The following RYR2 variants were observed in gnomAD, a reference collection of about 807,000 sequenced individuals.
RYR2 encodes ryanodine receptor 2.
RYR2 carries 227 observed loss-of-function variants against 601.1 expected under a neutral mutation model. The observed-to-expected ratio is 0.38, with a 90% CI of 0.34 to 0.42. RYR2 has a LOEUF of 0.42. Ranked by LOEUF, RYR2 falls within the 10% of genes least tolerant of loss-of-function variation. RYR2 has a pLI of 1.00. For missense variants in RYR2, 4,646 were observed against 6,156.5 expected (o/e 0.75, Z 8.21); for synonymous variants, 2,223 against 2,175.1 (o/e 1.02, Z -0.61).
rs545931004 is a variant in RYR2, at chr1:237,804,089, T to C, written c.14152-2048T>C. ...AATATATTGAACGTTGACCAGCACT[T>C]AGTAGGTGCTAAAGAAATTTTCCTA... On this transcript the variant is annotated intron_variant, in intron 98 of 104. Coordinates refer to ENST00000366574, the MANE Select transcript of RYR2 (RefSeq NM_001035.3). Among the ~76,000 whole-genome samples the C allele has an allele frequency of 3.3e-5, 5 of 152,254 alleles. No homozygotes were observed. In the East Asian group the frequency reaches 7.8e-4, roughly 24 times the overall value.
chr1:237,364,927 A>G (rs759269212), intron 5 of RYR2, among the ~76,000 whole-genome samples: 8 of 152,308 alleles, frequency 5.3e-5, no homozygotes, highest in Non-Finnish European at 1.2e-4. Context: ...CCCCTTATTC[A>G]TTTCTCAACT....
intron 51 of RYR2, among the ~76,000 whole-genome samples, chr1:237,653,290 A>G (rs1682941614): frequency 6.6e-6 from 1 of 152,242 alleles, no homozygotes; most frequent in African/African-American, 2.4e-5. Context: ...GTGGCAAGCC[A>G]TAGAGAGGCA....
intron 76 of RYR2, among the ~76,000 whole-genome samples, chr1:237,729,855 ACT>A (rs1281800404): frequency 2.6e-5 from 4 of 152,144 alleles, no homozygotes; most frequent in African/African-American, 9.7e-5. Context: ...CTCTATTGAC[ACT>A]GATTACATTG....
chr1:237,757,593 TG>T (rs1238425924), intron 81 of RYR2, 103 bp from the exon 82 acceptor site: 5 of 742,984 alleles, frequency 6.7e-6, no homozygotes, highest in Non-Finnish European at 9.6e-6. Flanking sequence ...ACAGATTGCC[TG>T]GGGGGGCATA....
At chr1:237,653,463 C>G (rs1031396351) in intron 51 of RYR2, among the ~76,000 whole-genome samples, 3 of 152,156 alleles carry the variant, frequency 2.0e-5, no homozygotes, top group Non-Finnish European at 4.4e-5. Flanking sequence ...ACATAGACAT[C>G]CAAACAACCT....
At position 237,239,341 on chromosome 1, in the gene RYR2, A is replaced by C. The variant is rs533028704; in HGVS notation, c.49-31156A>C. On this transcript the variant is annotated intron_variant, in intron 1 of 104. Transcript: ENST00000366574. ...AAGTGAAAAGCGCTCTCTCCTGCAGAGAGAGGGGCTTCCAAGTGGGTCTTC... is the reference window on the plus strand; with the variant it reads ...AAGTGAAAAGCGCTCTCTCCTGCAGCGAGAGGGGCTTCCAAGTGGGTCTTC... 2.6e-5 allele frequency among the ~76,000 whole-genome samples: 4 copies of C among 152,226 alleles called. No homozygotes were observed. The South Asian group carries it at 6.2e-4, about 24-fold the overall frequency.
intron 1 of RYR2, among the ~76,000 whole-genome samples, chr1:237,151,750 T>C (rs756437786): frequency 4.6e-5 from 7 of 152,188 alleles, no homozygotes; most frequent in Non-Finnish European, 1.0e-4. Context: ...ATCAACACCC[T>C]TTAGGAAATG....
At chr1:237,780,343 C>T (rs1009385944) in intron 88 of RYR2, among the ~76,000 whole-genome samples, 2 of 152,116 alleles carry the variant, frequency 1.3e-5, no homozygotes. Flanking sequence ...AATGTAGACC[C>T]TCACAAGAGA....
At chr1:237,337,458 G>A (rs1697351723) in intron 3 of RYR2, among the ~76,000 whole-genome samples, 1 of 152,142 alleles carries the variant, frequency 6.6e-6, no homozygotes, top group African/African-American at 2.4e-5. Flanking sequence ...AAGAAGATCT[G>A]TGTATTATCT....
At chr1:237,462,616 G>A (rs576412498) in intron 16 of RYR2, among the ~76,000 whole-genome samples, 6 of 152,290 alleles carry the variant, frequency 3.9e-5, no homozygotes, top group Non-Finnish European at 5.9e-5. Context: ...ATAGATTGCT[G>A]CTCTTTGAGT....
chr1:237,180,918 C>T lies in RYR2; in HGVS notation c.49-89579C>T, dbSNP rs1445963316. On this transcript the variant is annotated intron_variant, in intron 1 of 104. Transcript: ENST00000366574. This position sits in a 1 kb window ranked among gnomAD's most constrained non-coding sequence, Gnocchi z 5.3. ...CAATAAATATATAACTAATAATATA[C>T]TAATTAATAAAAATTGCTAACCCTC... Among the ~76,000 whole-genome samples the T allele has an allele frequency of 1.3e-5, 2 of 149,594 alleles. No homozygotes were observed. The highest frequency in any genetic ancestry group is 6.7e-5 in the Admixed American group (1 of 14,962).
chr1:237,138,164 T>C (rs1250693882), intron 1 of RYR2, among the ~76,000 whole-genome samples: 2 of 152,206 alleles, frequency 1.3e-5, no homozygotes, highest in Non-Finnish European at 2.9e-5. Context: ...CCTGAGTAGC[T>C]GGAATTGCAG....
At chr1:237,830,392 G>T (rs1342332587) in intron 102 of RYR2, 138 bp from the exon 103 acceptor site, 5 of 614,072 alleles carry the variant, frequency 8.1e-6, no homozygotes, top group Non-Finnish European at 1.5e-5. Flanking sequence ...ATATTCGTGG[G>T]CTTGGCACAG....
chr1:237,631,189 C>G (rs1272126136), intron 41 of RYR2, among the ~76,000 whole-genome samples: 1 of 152,122 alleles, frequency 6.6e-6, no homozygotes, highest in African/African-American at 2.4e-5. Context: ...TAACTGTTTA[C>G]ATTTTTACTA....
At chr1:237,761,638 A>G (rs958673459) in intron 84 of RYR2, among the ~76,000 whole-genome samples, 2 of 152,214 alleles carry the variant, frequency 1.3e-5, no homozygotes, top group Non-Finnish European at 2.9e-5. Context: ...GCTGGTATAA[A>G]CTAGAAAGTT....
chr1:237,776,284 A>T (rs1694652170), intron 87 of RYR2, among the ~76,000 whole-genome samples: 1 of 152,150 alleles, frequency 6.6e-6, no homozygotes, highest in Non-Finnish European at 1.5e-5. Flanking sequence ...ATAACCAGGG[A>T]TGAAGGAAAC....
chr1:237,697,799 A>C (rs1267075712), intron 63 of RYR2, among the ~76,000 whole-genome samples: 1 of 152,044 alleles, frequency 6.6e-6, no homozygotes, highest in Non-Finnish European at 1.5e-5. Flanking sequence ...TGGACAGGAA[A>C]ATAAAAAATC....
rs537263728 is a variant in RYR2 at position 237,723,640 on chromosome 1, T to A, written c.10689+378T>A. 3.9e-5 allele frequency among the ~76,000 whole-genome samples: 6 copies of A among 152,286 alleles called. No homozygotes were observed. In the East Asian group the frequency reaches 9.7e-4, roughly 25 times the overall value. On this transcript the variant is annotated intron_variant, in intron 74 of 104. Transcript: ENST00000366574. Reference sequence around the variant, plus strand: ...TGCTCATAAAAACATGTTTGAGATATTATCTTTTACCGGTTTAATATTTGA... The same window carrying A: ...TGCTCATAAAAACATGTTTGAGATAATATCTTTTACCGGTTTAATATTTGA...
intron 10 of RYR2, among the ~76,000 whole-genome samples, chr1:237,415,793 A>G (rs1256746973): frequency 6.6e-6 from 1 of 152,204 alleles, no homozygotes; most frequent in Non-Finnish European, 1.5e-5. Context: ...GAAAATTAAA[A>G]ACATCTGTGA....
Sources: allele counts gnomAD v4.1 joint callset (sites outside exome capture counted in the v4.1 genomes callset), GRCh38; gene constraint gnomAD v4.1.1; non-coding constraint Gnocchi (gnomAD v3.1); transcripts MANE v1.5; gene names NCBI Gene and HGNC (gene_info 2026-07-23, HGNC 2026-07-21).